TFF1: variants seen among roughly 807,000 people sequenced by gnomAD.
The protein encoded by TFF1 is trefoil factor 1, also known as breast cancer estrogen-inducible protein.
A neutral mutation model predicts 7.7 loss-of-function variants in TFF1; 8 were observed. The ratio of observed to expected loss-of-function variants is 1.04; its 90% CI spans 0.61 to 1.87. The LOEUF (loss-of-function observed/expected upper bound fraction) is 1.87, where lower values mean the gene tolerates loss of function less well. Ranked by LOEUF, TFF1 falls within the 40% of genes most tolerant of loss-of-function variation. The pLI, the probability that TFF1 is intolerant of heterozygous loss-of-function variation, is 0.00. For synonymous variants in TFF1, 47 were observed against 44.8 expected (o/e 1.05, Z -0.19); for missense variants, 120 against 113.4 (o/e 1.06, Z -0.26).
intron 1 of TFF1, among the ~76,000 whole-genome samples, chr21:42,364,354 A>G (rs2052262481): frequency 6.6e-6 from 1 of 152,134 alleles, no homozygotes; most frequent in Non-Finnish European, 1.5e-5. Flanking sequence ...AGGAGGTGGA[A>G]ACCCATTGCA....
rs142072140 is a variant in TFF1 at position 42,363,268 on chromosome 21, G to C, written c.225C>G (p.Asp75Glu). The change falls in exon 2 of 3, where the codon GAC (aspartate) becomes GAG (glutamate). Residue 75 changes from aspartate (D) to glutamate (E), a missense_variant. Physicochemically the swap from Asp to Glu is conservative, Grantham distance 45. Transcript: ENST00000291527. ...VPWCFYPNTI[D>E]VPPEEECEF ...AAAAGGCCATACCTTCTGGAGGGAC[G>C]TCGATGGTATTAGGATAGAAGCACC... The C allele has an allele frequency of 1.9e-6, 3 of 1,614,140 alleles. No individual in the cohort carries two copies. The highest frequency in any genetic ancestry group is 1.7e-5 in the Admixed American group (1 of 60,026).
intron 1 of TFF1, among the ~76,000 whole-genome samples, chr21:42,366,006 G>T (rs1257489421): frequency 2.6e-5 from 4 of 152,194 alleles, no homozygotes; most frequent in Non-Finnish European, 5.9e-5. Context: ...GCCATCACTG[G>T]GACCGGCATT....
chr21:42,366,360 G>T, intron 1 of TFF1, 51 bp downstream of exon 1: 1 of 1,441,774 alleles, frequency 6.9e-7, no homozygotes, highest in Non-Finnish European at 9.6e-7. Context: ...TCCTGGCGGA[G>T]GCTGCCAGAG....
intron 1 of TFF1, among the ~76,000 whole-genome samples, chr21:42,364,885 C>A (rs968974913): frequency 3.9e-5 from 6 of 152,178 alleles, no homozygotes; most frequent in Non-Finnish European, 7.3e-5. Context: ...GGGTCTGGAT[C>A]CATCGCGACG....
intron 1 of TFF1, among the ~76,000 whole-genome samples, chr21:42,363,811 A>G (rs1222239097): frequency 2.0e-5 from 3 of 152,232 alleles, no homozygotes; most frequent in South Asian, 2.1e-4. Flanking sequence ...AGAAGTCATT[A>G]ATAAGAGTCT....
intron 1 of TFF1, among the ~76,000 whole-genome samples, chr21:42,364,985 G>A (rs2052268178): frequency 6.6e-6 from 1 of 152,236 alleles, no homozygotes; most frequent in Non-Finnish European, 1.5e-5. Context: ...GGGTCGGGGG[G>A]GTTTCCTCCT....
In TFF1 at chr21:42,363,386, C is replaced by CG. The variant is rs766192241; in HGVS notation, c.106dup (p.Arg36ProfsTer2). 4 of 1,613,886 alleles carry CG rather than the reference C, an allele frequency of 2.5e-6. No individual in the cohort carries two copies. Among genetic ancestry groups the CG allele is most frequent in the Non-Finnish European group, 3.4e-6 (4 of 1,179,998 alleles). ...AGGAAAACCACAATTCTGTCTTTCA[C>CG]GGGGGGCCACTGTACACGTCTCTGA... On this transcript the variant is annotated frameshift_variant, in exon 2 of 3. Coordinates refer to ENST00000291527, the MANE Select transcript of TFF1 (RefSeq NM_003225.3). LOFTEE classifies it high-confidence loss of function.
chr21:42,362,467 C>G lies in TFF1; in HGVS notation c.*12G>C. The stretch of plus-strand genomic sequence containing the variant: ...ACCGCGTCAGGATGCAGGCAGATCC[C>G]TGCAGAAGTGTCTAAAATTCACACT... On this transcript the variant is annotated 3_prime_UTR_variant, in exon 3 of 3. Transcript: ENST00000291527. 3.8e-6 allele frequency: 6 copies of G among 1,583,172 alleles called. No homozygotes were observed. Among genetic ancestry groups the G allele is most frequent in the Non-Finnish European group, 5.2e-6 (6 of 1,164,984 alleles).
At chr21:42,362,829 G>A (rs2052248654) in intron 2 of TFF1, among the ~76,000 whole-genome samples, 2 of 151,446 alleles carry the variant, frequency 1.3e-5, no homozygotes, top group Non-Finnish European at 2.9e-5. Context: ...AACTCAGGAG[G>A]CAGAGATTGC....
intron 1 of TFF1, among the ~76,000 whole-genome samples, chr21:42,365,872 G>C (rs78401788): frequency 1.3e-5 from 2 of 152,152 alleles, no homozygotes; most frequent in Non-Finnish European, 2.9e-5. Flanking sequence ...GCACTCATGA[G>C]AGAGGTGGCT....
At chr21:42,366,068 G>A (rs557609708) in intron 1 of TFF1, among the ~76,000 whole-genome samples, 2 of 152,296 alleles carry the variant, frequency 1.3e-5, no homozygotes, top group Non-Finnish European at 2.9e-5. Context: ...GGAGATGTTG[G>A]CATGAACAGT....
intron 1 of TFF1, among the ~76,000 whole-genome samples, chr21:42,366,197 C>T (rs147909397): frequency 2.6e-5 from 4 of 152,286 alleles, no homozygotes; most frequent in African/African-American, 4.8e-5. Context: ...GCCCCCTCCT[C>T]GTCGCACTTC....
chr21:42,365,721 C>A (rs753923033), intron 1 of TFF1, among the ~76,000 whole-genome samples: 20 of 152,190 alleles, frequency 1.3e-4, no homozygotes, highest in South Asian at 4.1e-4. Context: ...TAGGGCAGAC[C>A]GTTGATCCAT....
intron 2 of TFF1, 112 bp downstream of exon 2, chr21:42,363,143 G>C (rs377490037): frequency 2.2e-5 from 32 of 1,422,520 alleles, no homozygotes; most frequent in Non-Finnish European, 3.0e-5. Flanking sequence ...ACTGGCGGCC[G>C]TGACTCTGTG....
intron 1 of TFF1, 93 bp from the exon 2 acceptor site, chr21:42,363,500 C>A: frequency 6.9e-7 from 1 of 1,452,320 alleles, no homozygotes; most frequent in Admixed American, 2.4e-5. Context: ...TCTCCAATGA[C>A]ATCAGCAACT....
chr21:42,365,988 C>T (rs958729103), intron 1 of TFF1, among the ~76,000 whole-genome samples: 7 of 152,142 alleles, frequency 4.6e-5, no homozygotes, highest in Admixed American at 2.6e-4. Context: ...GAGAGGGTCT[C>T]CCAGGTGGCC....
At chr21:42,366,321 G>T in intron 1 of TFF1, 90 bp downstream of exon 1, 1 of 983,542 alleles carries the variant, frequency 1.0e-6, no homozygotes, top group Non-Finnish European at 1.5e-6. Context: ...CAAAACAGGT[G>T]CTCAAAAATA....
rs200341439 is a variant in TFF1 at position 42,363,260 on chromosome 21, G to A, written c.233C>T (p.Pro78Leu). 2 of 1,614,172 alleles carry A rather than the reference G, an allele frequency of 1.2e-6. No individual in the cohort carries two copies. The highest frequency in any genetic ancestry group is 8.5e-7 in the Non-Finnish European group (1 of 1,180,038). ...CFYPNTIDVPPEEECEF is the reference protein window; with the variant it reads ...CFYPNTIDVPLEEECEF ...ATCGTATAAAAAGGCCATACCTTCT[G>A]GAGGGACGTCGATGGTATTAGGATA... Residue 78 changes from proline to leucine, a missense_variant, in exon 2 of 3, where the codon CCA becomes CTA. Physicochemically the swap from Pro to Leu is moderately conservative, Grantham distance 98. Coordinates refer to ENST00000291527, the MANE Select transcript of TFF1 (RefSeq NM_003225.3).
chr21:42,366,358 G>C, intron 1 of TFF1, 53 bp downstream of exon 1: 3 of 1,431,828 alleles, frequency 2.1e-6, no homozygotes, highest in South Asian at 2.4e-5. Flanking sequence ...GCTCCTGGCG[G>C]AGGCTGCCAG....
Sources: allele counts gnomAD v4.1 joint callset (sites outside exome capture counted in the v4.1 genomes callset), GRCh38; gene constraint gnomAD v4.1.1; transcripts MANE v1.5; gene names NCBI Gene and HGNC (gene_info 2026-07-23, HGNC 2026-07-21).